LRRC4C: variants seen among roughly 807,000 people sequenced by gnomAD.
LRRC4C encodes leucine-rich repeat-containing protein 4C.
A neutral mutation model predicts 33.6 loss-of-function variants in LRRC4C; 5 were observed. The ratio of observed to expected loss-of-function variants is 0.15; its 90% CI spans 0.08 to 0.31. LRRC4C has a LOEUF of 0.31. Among genes scored for constraint, LRRC4C ranks in the 10% least tolerant of loss-of-function variants. The pLI is 1.00. For missense variants in LRRC4C, 560 were observed against 796.7 expected, an observed-to-expected ratio of 0.70 and a Z score of 3.58; for synonymous variants, 329 against 302.0, an observed-to-expected ratio of 1.09 and a Z score of -0.93.
intron 3 of LRRC4C, among the ~76,000 whole-genome samples, chr11:40,520,046 ATG>A (rs1367799071): frequency 6.6e-6 from 1 of 152,202 alleles, no homozygotes; most frequent in African/African-American, 2.4e-5. Context: ...TTAGAGACTG[ATG>A]CACTGGCAAC....
At chr11:40,969,854 A>C (rs975741785) in intron 1 of LRRC4C, among the ~76,000 whole-genome samples, 1 of 152,166 alleles carries the variant, frequency 6.6e-6, no homozygotes, top group Admixed American at 6.5e-5. Flanking sequence ...TGTAGCTAAT[A>C]TACTATTCAG....
intron 4 of LRRC4C, among the ~76,000 whole-genome samples, chr11:40,284,236 G>C (rs1229709877): frequency 2.0e-5 from 3 of 152,170 alleles, no homozygotes; most frequent in Non-Finnish European, 2.9e-5. Flanking sequence ...CCAAGTTTGC[G>C]TTCAAACTAG....
intron 2 of LRRC4C, among the ~76,000 whole-genome samples, chr11:40,782,870 A>G (rs2137291279): frequency 1.3e-5 from 2 of 152,264 alleles, no homozygotes; most frequent in Admixed American, 1.3e-4. Flanking sequence ...ACATGTGTAT[A>G]CATCTACATA....
chr11:41,072,268 A>G (rs1938744477), intron 1 of LRRC4C, among the ~76,000 whole-genome samples: 1 of 4,036 alleles, frequency 2.5e-4, no homozygotes, highest in South Asian at 0.01. Flanking sequence ...AAAATTAATC[A>G]ATGTGGCAAA....
At chr11:40,265,074 T>C (rs1234601350) in intron 4 of LRRC4C, among the ~76,000 whole-genome samples, 1 of 152,216 alleles carries the variant, frequency 6.6e-6, no homozygotes, top group African/African-American at 2.4e-5. Flanking sequence ...GAATAAAGCC[T>C]TCCCTTCTCC....
At chr11:41,309,891 G>A (rs1402408719) in intron 1 of LRRC4C, among the ~76,000 whole-genome samples, 1 of 152,172 alleles carries the variant, frequency 6.6e-6, no homozygotes, top group Non-Finnish European at 1.5e-5. Context: ...TTTAGTAAAC[G>A]ATGAAATAAT....
intron 1 of LRRC4C, among the ~76,000 whole-genome samples, chr11:41,028,638 A>T (rs1056771951): frequency 2.7e-5 from 4 of 150,748 alleles, no homozygotes; most frequent in Non-Finnish European, 5.9e-5. Context: ...TCAAGTCTAA[A>T]CTCCACCTTG....
rs566305342 is a variant in LRRC4C at position 40,734,322 on chromosome 11, C to A, written c.-406-86044G>T. On this transcript the variant is annotated intron_variant, in intron 2 of 6. Coordinates refer to ENST00000528697, the MANE Select transcript of LRRC4C (RefSeq NM_001258419.2). ...GTATAGAATGCTAAAATACATTGAA[C>A]TTTATTCCTAAAATATATCTTTCAG... Among the ~76,000 whole-genome samples, 5 of 152,238 alleles carry A rather than the reference C, an allele frequency of 3.3e-5. No individual in the cohort carries two copies. In the South Asian group the frequency reaches 6.2e-4, roughly 19 times the overall value.
intron 2 of LRRC4C, among the ~76,000 whole-genome samples, chr11:40,707,504 G>C (rs909080956): frequency 1.3e-5 from 2 of 152,144 alleles, no homozygotes; most frequent in African/African-American, 2.4e-5. Flanking sequence ...TTATGTGATG[G>C]ATTACATTTA....
intron 1 of LRRC4C, among the ~76,000 whole-genome samples, chr11:41,214,608 G>C (rs1173993183): frequency 3.7e-5 from 5 of 135,758 alleles, no homozygotes; most frequent in Admixed American, 7.1e-5. Context: ...AAATTAGCCG[G>C]GCGTGGTGGC....
intron 1 of LRRC4C, among the ~76,000 whole-genome samples, chr11:41,170,076 C>G (rs1168445506): frequency 6.6e-6 from 1 of 152,048 alleles, no homozygotes; most frequent in East Asian, 1.9e-4. Context: ...ACTCTCATAA[C>G]TTCAAATTTT....
intron 1 of LRRC4C, among the ~76,000 whole-genome samples, chr11:40,950,644 T>A (rs1958651656): frequency 6.6e-6 from 1 of 152,074 alleles, no homozygotes; most frequent in South Asian, 2.1e-4. Context: ...CATAGTGATA[T>A]CATAGTGGAG....
intron 2 of LRRC4C, among the ~76,000 whole-genome samples, chr11:40,657,904 A>G (rs1430262815): frequency 6.6e-6 from 1 of 152,152 alleles, no homozygotes; most frequent in African/African-American, 2.4e-5. Flanking sequence ...GTCCAGTTAT[A>G]TCTATAATAT....
chr11:40,754,548 G>T (rs1414000036), intron 2 of LRRC4C, among the ~76,000 whole-genome samples: 3 of 151,992 alleles, frequency 2.0e-5, no homozygotes, highest in African/African-American at 7.2e-5. Flanking sequence ...TAATCAGCCA[G>T]GTAGCTTCCA....
rs571877476 is a variant in LRRC4C, at chr11:40,618,862, G to C, written c.-270+29280C>G. Among the ~76,000 whole-genome samples the C allele has an allele frequency of 4.0e-5, 6 of 151,846 alleles. No individual in the cohort carries two copies. In the South Asian group the frequency reaches 1.2e-3, roughly 31 times the overall value. On this transcript the variant is annotated intron_variant, in intron 3 of 6. Coordinates refer to ENST00000528697, the MANE Select transcript of LRRC4C (RefSeq NM_001258419.2). ...TGAATGGCTGCATAAATTTAGAAAAGCAGGTGGCATTTTGGGATGTCTATT... is the reference window on the plus strand; with the variant it reads ...TGAATGGCTGCATAAATTTAGAAAACCAGGTGGCATTTTGGGATGTCTATT...
chr11:41,139,017 T>C (rs1243366853), intron 1 of LRRC4C, among the ~76,000 whole-genome samples: 1 of 152,188 alleles, frequency 6.6e-6, no homozygotes, highest in Non-Finnish European at 1.5e-5. Context: ...TTGGGACTAA[T>C]TTGTTTGTTA....
At chr11:41,457,257 C>T (rs1221170001) in intron 1 of LRRC4C, among the ~76,000 whole-genome samples, 1 of 152,074 alleles carries the variant, frequency 6.6e-6, no homozygotes, top group African/African-American at 2.4e-5. Context: ...TACTAATTTG[C>T]CAAATTCCAG....
intron 3 of LRRC4C, among the ~76,000 whole-genome samples, chr11:40,590,596 C>A (rs1257412932): frequency 6.6e-6 from 1 of 151,564 alleles, no homozygotes; most frequent in Non-Finnish European, 1.5e-5. Context: ...GTTTTTTCCC[C>A]ATCTTTGTGG....
At chr11:40,471,682 C>CCAA (rs374503587) in intron 3 of LRRC4C, among the ~76,000 whole-genome samples, 21 of 130,984 alleles carry the variant, frequency 1.6e-4, no homozygotes, top group Admixed American at 7.6e-4. Context: ...AATGGAAAGC[C>CCAA]AAAAAAAAAA....
Sources: gnomAD v4.1 joint callset for allele counts (sites outside exome capture counted in the v4.1 genomes callset) on GRCh38, gnomAD v4.1.1 for gene constraint, MANE v1.5 for transcripts, NCBI Gene and HGNC (gene_info 2026-07-23, HGNC 2026-07-21) for gene names.